Variants in C9orf153 observed in about 807,000 individuals in gnomAD.
The protein encoded by C9orf153 is uncharacterized protein C9orf153.
Under a neutral mutation model 9.0 loss-of-function variants are expected in C9orf153, and 10 were observed. That is an observed-to-expected ratio of 1.11 (90% confidence interval 0.69 to 1.89). The LOEUF (loss-of-function observed/expected upper bound fraction) is 1.89, where lower values mean the gene tolerates loss of function less well. Ranked by LOEUF, C9orf153 falls within the 40% of genes most tolerant of loss-of-function variation. The pLI is 0.00. For missense variants in C9orf153, 108 were observed against 111.0 expected, an observed-to-expected ratio of 0.97 and a Z score of 0.12; for synonymous variants, 35 against 37.3, an observed-to-expected ratio of 0.94 and a Z score of 0.23.
intron 1 of C9orf153, among the ~76,000 whole-genome samples, chr9:86,233,881 A>G (rs1824523211): frequency 1.3e-5 from 2 of 152,152 alleles, no homozygotes; most frequent in Non-Finnish European, 2.9e-5. Context: ...TCAAGAGATC[A>G]AGACCATCCT....
intron 1 of C9orf153, among the ~76,000 whole-genome samples, chr9:86,237,937 C>T (rs1482617059): frequency 6.6e-6 from 1 of 151,930 alleles, no homozygotes; most frequent in Non-Finnish European, 1.5e-5. Context: ...AAAAATTAGC[C>T]AGGTGTGGTG....
intron 1 of C9orf153, among the ~76,000 whole-genome samples, chr9:86,250,161 C>G (rs1824964233): frequency 6.6e-6 from 1 of 152,116 alleles, no homozygotes; most frequent in Non-Finnish European, 1.5e-5. Context: ...AAAAGTCTGT[C>G]CAAGTGTGTT....
intron 1 of C9orf153, among the ~76,000 whole-genome samples, chr9:86,256,116 G>A (rs762649476): frequency 5.3e-5 from 8 of 152,188 alleles, no homozygotes; most frequent in Non-Finnish European, 1.0e-4. Context: ...ATTCTGATGC[G>A]TGAAATATCC....
chr9:86,227,037 A>AT (rs1824352998), intron 3 of C9orf153, among the ~76,000 whole-genome samples: 1 of 152,218 alleles, frequency 6.6e-6, no homozygotes, highest in Non-Finnish European at 1.5e-5. Context: ...AAGTGCTGGG[A>AT]TTACAGGCAT....
At chr9:86,230,341 G>A (rs1824443371) in intron 1 of C9orf153, among the ~76,000 whole-genome samples, 1 of 152,086 alleles carries the variant, frequency 6.6e-6, no homozygotes, top group Non-Finnish European at 1.5e-5. Flanking sequence ...CACTCTTGTT[G>A]CCCATGCTGG....
intron 1 of C9orf153, among the ~76,000 whole-genome samples, chr9:86,253,385 C>A (rs1393777522): frequency 6.6e-6 from 1 of 152,084 alleles, no homozygotes. Context: ...CCAAGAAACT[C>A]AAGATATTTT....
At chr9:86,245,987 A>G (rs1457563618) in intron 1 of C9orf153, among the ~76,000 whole-genome samples, 1 of 151,962 alleles carries the variant, frequency 6.6e-6, no homozygotes, top group Non-Finnish European at 1.5e-5. Flanking sequence ...TTTCCACCTT[A>G]TTTCTATTAA....
At chr9:86,240,049 T>C (rs1824696787) in intron 1 of C9orf153, among the ~76,000 whole-genome samples, 1 of 152,230 alleles carries the variant, frequency 6.6e-6, no homozygotes, top group South Asian at 2.1e-4. Flanking sequence ...CTAAGAGCTA[T>C]GAATACTAGC....
At chr9:86,232,095 C>G (rs919725187) in intron 1 of C9orf153, among the ~76,000 whole-genome samples, 8 of 152,186 alleles carry the variant, frequency 5.3e-5, no homozygotes, top group Non-Finnish European at 1.0e-4. Flanking sequence ...CAATCTCCAA[C>G]TCTCTATACA....
At chr9:86,233,333 C>T (rs1263428106) in intron 1 of C9orf153, among the ~76,000 whole-genome samples, 1 of 152,152 alleles carries the variant, frequency 6.6e-6, no homozygotes, top group Admixed American at 6.6e-5. Context: ...TAGCTTCCAC[C>T]TGGCTGATGA....
At chr9:86,222,035 G>A (rs905815828) in intron 3 of C9orf153, among the ~76,000 whole-genome samples, 6 of 151,934 alleles carry the variant, frequency 3.9e-5, no homozygotes, top group African/African-American at 7.3e-5. Flanking sequence ...ACAGGCACCC[G>A]CCACCACACC....
rs1825033716 is a variant in C9orf153, at chr9:86,253,224, TG to T, written c.-27+6325del. 2.0e-5 allele frequency among the ~76,000 whole-genome samples: 3 copies of T among 152,358 alleles called. No individual in the cohort carries two copies. In the South Asian group the frequency reaches 6.2e-4, roughly 32 times the overall value. On this transcript the variant is annotated intron_variant, in intron 1 of 3. Coordinates refer to ENST00000339137, the MANE Select transcript of C9orf153 (RefSeq NM_001276366.4). The stretch of plus-strand genomic sequence containing the variant: ...GACTTTGACTGGAATGACATAATTT[TG>T]GATATGAGCAGACTGCTTTGAGGAA...
chr9:86,239,981 T>G (rs1824695569), intron 1 of C9orf153, among the ~76,000 whole-genome samples: 1 of 152,196 alleles, frequency 6.6e-6, no homozygotes. Flanking sequence ...CTGAGCATTA[T>G]GTGTCTTATA....
At chr9:86,234,021 C>G (rs1457476375) in intron 1 of C9orf153, among the ~76,000 whole-genome samples, 1 of 151,916 alleles carries the variant, frequency 6.6e-6, no homozygotes, top group Admixed American at 6.6e-5. Context: ...AGGTGGAAGT[C>G]GCAGTGAGCT....
chr9:86,239,373 T>G (rs1824679010), intron 1 of C9orf153, among the ~76,000 whole-genome samples: 1 of 152,186 alleles, frequency 6.6e-6, no homozygotes, highest in African/African-American at 2.4e-5. Context: ...TTTATGTATT[T>G]TACAATGAAG....
At chr9:86,258,828 C>T (rs575356147) in intron 1 of C9orf153, among the ~76,000 whole-genome samples, 1 of 151,910 alleles carries the variant, frequency 6.6e-6, no homozygotes, top group South Asian at 2.1e-4. Context: ...GCACCATACA[C>T]ACAGCTTTCC....
At chr9:86,248,542 G>T (rs1824919858) in intron 1 of C9orf153, among the ~76,000 whole-genome samples, 1 of 152,048 alleles carries the variant, frequency 6.6e-6, no homozygotes, top group Non-Finnish European at 1.5e-5. Flanking sequence ...GTACACAAAG[G>T]GTCTCATTTT....
chr9:86,222,276 T>C (rs1321388062), intron 3 of C9orf153, among the ~76,000 whole-genome samples: 1 of 152,110 alleles, frequency 6.6e-6, no homozygotes, highest in Non-Finnish European at 1.5e-5. Flanking sequence ...TCTGGCTAAC[T>C]GGGCTTGAGT....
At chr9:86,222,175 A>C (rs1472281868) in intron 3 of C9orf153, among the ~76,000 whole-genome samples, 1 of 152,150 alleles carries the variant, frequency 6.6e-6, no homozygotes, top group Non-Finnish European at 1.5e-5. Context: ...GAAGTGATCC[A>C]CTGTACCCGG....
Sources: gnomAD v4.1 joint callset for allele counts (sites outside exome capture counted in the v4.1 genomes callset) on GRCh38, gnomAD v4.1.1 for gene constraint, MANE v1.5 for transcripts, NCBI Gene and HGNC (gene_info 2026-07-23, HGNC 2026-07-21) for gene names.